RXRB: variants seen among roughly 807,000 people sequenced by gnomAD.
The protein encoded by RXRB is retinoic acid receptor RXR-beta.
Under a neutral mutation model 52.5 loss-of-function variants are expected in RXRB, and 18 were observed. The ratio of observed to expected loss-of-function variants is 0.34; its 90% confidence interval spans 0.24 to 0.51. The LOEUF (loss-of-function observed/expected upper bound fraction) is 0.51. Among genes scored for constraint, RXRB ranks in the 20% least tolerant of loss-of-function variants. The probability of loss-of-function intolerance (pLI) is 0.97; values close to 1 mark genes in which losing one functional copy is unlikely to be tolerated. For synonymous variants in RXRB, 233 were observed against 267.1 expected, an observed-to-expected ratio of 0.87 and a Z score of 1.25; for missense variants, 455 against 698.2, an observed-to-expected ratio of 0.65 and a Z score of 3.92.
chr6:33,194,459 A>C lies in RXRB; in HGVS notation c.*223T>G. 1.9e-6 allele frequency: 1 copy of C among 519,588 alleles called. No homozygotes were observed. The highest frequency in any genetic ancestry group is 3.1e-5 in the East Asian group (1 of 32,412). 32.2% of individuals were successfully genotyped at this position (519,588 alleles called of 1,614,324 possible). On this transcript the variant is annotated 3_prime_UTR_variant, in exon 10 of 10. Coordinates refer to ENST00000374680, the MANE Select transcript of RXRB (RefSeq NM_021976.5). The surrounding 1 kb of genome is among the most constrained non-coding windows in gnomAD (Gnocchi z 4.1). ...GAGAACCCGACAAATTCAGAGACTC[A>C]AGGCCACCGAAGAGAGACAACCAGT...
At position 33,195,279 on chromosome 6, in the gene RXRB, T is replaced by C. The variant is rs146168329; in HGVS notation, c.1348+84A>G. 1.1e-6 allele frequency: 1 copy of C among 922,018 alleles called. No homozygotes were observed. The highest frequency in any genetic ancestry group is 2.4e-5 in the East Asian group (1 of 41,770). The allele number at this position is 922,018 out of a possible 1,614,324, so 57.1% of individuals were successfully genotyped here. A position where few individuals can be genotyped will look rare whatever the true frequency, so the allele number is the denominator to read the frequency against. ...AGGTTGAGGGTCTTACTGAGGGGGATAGCTGGGTAACTTAGGAGTCTCGGA... is the reference window on the plus strand; with the variant it reads ...AGGTTGAGGGTCTTACTGAGGGGGACAGCTGGGTAACTTAGGAGTCTCGGA... On this transcript the variant is annotated intron_variant, in intron 8 of 9. Transcript: ENST00000374680. This position sits in a 1 kb window ranked among gnomAD's most constrained non-coding sequence, Gnocchi z 8.6.
upstream of RXRB, chr6:33,200,818 G>C (rs1170994780): frequency 3.9e-6 from 6 of 1,519,242 alleles, no homozygotes; most frequent in South Asian, 2.4e-5. This position sits in a 1 kb window ranked among gnomAD's most constrained non-coding sequence, Gnocchi z 6.3. Context: ...CGCTACCGGA[G>C]TGCCGCCATA....
At chr6:33,200,736 G>A, upstream of RXRB, 3 of 1,544,284 alleles carry the variant, frequency 1.9e-6, no homozygotes, top group Non-Finnish European at 2.6e-6. This position sits in a 1 kb window ranked among gnomAD's most constrained non-coding sequence, Gnocchi z 6.3. Flanking sequence ...CGGCCTGTTA[G>A]CCCGCCTCGC....
intron 1 of RXRB, chr6:33,199,700 C>A (rs914290410): frequency 9.0e-6 from 4 of 442,032 alleles, no homozygotes; most frequent in African/African-American, 2.0e-5. Flanking sequence ...GCTAAAAAAA[C>A]CCAAAAACAG....
chr6:33,197,956 G>A lies in RXRB; in HGVS notation c.641-15C>T, dbSNP rs776928959. On this transcript the variant is annotated splice_polypyrimidine_tract_variant and intron_variant, in intron 3 of 9. Coordinates refer to ENST00000374680, the MANE Select transcript of RXRB (RefSeq NM_021976.5). The surrounding 1 kb of genome is among the most constrained non-coding windows in gnomAD (Gnocchi z 4.4). ...GTAGTGTTTGCCTACAGGGAAAGGG[G>A]AGGAGCAATAAGAAGGTTGCATGGA... 3 of 1,611,176 alleles carry A rather than the reference G, an allele frequency of 1.9e-6. No individual in the cohort carries two copies. Among genetic ancestry groups the A allele is most frequent in the Admixed American group, 1.7e-5 (1 of 59,732 alleles).
In RXRB at chr6:33,194,809, C is replaced by T; in HGVS notation, c.1475G>A (p.Arg492His). The change falls in exon 10 of 10, where the codon CGT becomes CAT. Residue 492 changes from arginine (R) to histidine (H), a missense_variant. By Grantham distance (29) the Arg-to-His change is conservative. This residue lies in a region of RXRB where 115 missense variants were observed against 253.1 expected (regional missense o/e 0.45). Coordinates refer to ENST00000374680, the MANE Select transcript of RXRB (RefSeq NM_021976.5). The surrounding 1 kb of genome is among the most constrained non-coding windows in gnomAD (Gnocchi z 4.1). ...GCCAATGGACCGGAGGGCAGGAAGA[C>T]GTAGCAGCAGCTTGGCAAACCTGGG... ...QQGRFAKLLL[R>H]LPALRSIGLK... The T allele has an allele frequency of 1.2e-6, 2 of 1,612,986 alleles. No homozygotes were observed. The highest frequency in any genetic ancestry group is 1.7e-6 in the Non-Finnish European group (2 of 1,180,010).
Position 33,198,293 on chromosome 6 carries a change from C to G in RXRB, c.640+15G>C. 1 of 1,612,960 alleles carries G rather than the reference C, an allele frequency of 6.2e-7. No individual in the cohort carries two copies. Among genetic ancestry groups the G allele is most frequent in the East Asian group, 2.2e-5 (1 of 44,886 alleles). On this transcript the variant is annotated intron_variant, in intron 3 of 9. Coordinates refer to ENST00000374680, the MANE Select transcript of RXRB (RefSeq NM_021976.5). ...CCCAGACTCTCCCTCTCTGTTCATC[C>G]TCTGAGCCACATACCTGAGCTTCTG...
At position 33,197,716 on chromosome 6, in the gene RXRB, G is replaced by A. The variant is rs1427631055; in HGVS notation, c.820+46C>T. On this transcript the variant is annotated intron_variant, in intron 4 of 9. Coordinates refer to ENST00000374680, the MANE Select transcript of RXRB (RefSeq NM_021976.5). This position sits in a 1 kb window ranked among gnomAD's most constrained non-coding sequence, Gnocchi z 4.4. ...GGTACACAGTCTGAGTGGGATAAGG[G>A]AGAAGGGCATGTGGTCTAAGACGCC... is the stretch of plus-strand genomic sequence containing the variant. 1.3e-6 allele frequency: 2 copies of A among 1,585,594 alleles called. No homozygotes were observed. Among genetic ancestry groups the A allele is most frequent in the Middle Eastern group, 1.7e-4 (1 of 5,946 alleles).
upstream of RXRB, chr6:33,200,844 G>A (rs1009122337): frequency 2.0e-6 from 3 of 1,499,954 alleles, no homozygotes; most frequent in Non-Finnish European, 2.7e-6. This position sits in a 1 kb window ranked among gnomAD's most constrained non-coding sequence, Gnocchi z 6.3. Context: ...AAAGGCATTA[G>A]GGCGAAGGTG....
upstream of RXRB, chr6:33,200,794 C>A: frequency 1.3e-6 from 2 of 1,529,422 alleles, no homozygotes; most frequent in Non-Finnish European, 8.8e-7. This position sits in a 1 kb window ranked among gnomAD's most constrained non-coding sequence, Gnocchi z 6.3. Context: ...CGTGTCAGTG[C>A]AGGATGGATT....
chr6:33,198,087 C>A, intron 3 of RXRB, 146 bp from the exon 4 acceptor site: 1 of 1,034,200 alleles, frequency 9.7e-7, no homozygotes, highest in Non-Finnish European at 1.4e-6. Context: ...AGTGATGATC[C>A]AGTCCCAGTC....
Position 33,194,290 on chromosome 6 carries a change from C to A in RXRB, c.*392G>T. On this transcript the variant is annotated 3_prime_UTR_variant, in exon 10 of 10. Coordinates refer to ENST00000374680, the MANE Select transcript of RXRB (RefSeq NM_021976.5). This position sits in a 1 kb window ranked among gnomAD's most constrained non-coding sequence, Gnocchi z 4.1. Reference sequence around the variant, plus strand: ...GCTTGGGAGGCCTGCCCCCCAGTATCCACCTCTGGGGGAGTTCCCCATTTC... The same window carrying A: ...GCTTGGGAGGCCTGCCCCCCAGTATACACCTCTGGGGGAGTTCCCCATTTC... 1 of 173,694 alleles carries A rather than the reference C, an allele frequency of 5.8e-6. No individual in the cohort carries two copies. The highest frequency in any genetic ancestry group is 1.2e-5 in the Non-Finnish European group (1 of 82,346). The allele number at this position is 173,694 out of a possible 1,614,324, so 10.8% of individuals were successfully genotyped here. A position where few individuals can be genotyped will look rare whatever the true frequency, so the allele number is the denominator to read the frequency against.
rs774273799 is a variant in RXRB, at chr6:33,200,210, T to C, written c.235+32A>G. On this transcript the variant is annotated intron_variant, in intron 1 of 9. Transcript: ENST00000374680. The surrounding 1 kb of genome is among the most constrained non-coding windows in gnomAD (Gnocchi z 6.3). Reference sequence around the variant, plus strand: ...GAGGGGTCGCAGATAAAGCGGTCACTGGCTCGCCTGCCCTTCTGCTGGGGC... The same window carrying C: ...GAGGGGTCGCAGATAAAGCGGTCACCGGCTCGCCTGCCCTTCTGCTGGGGC... 1.6e-5 allele frequency: 25 copies of C among 1,600,176 alleles called. No individual in the cohort carries two copies. Among genetic ancestry groups the C allele is most frequent in the Non-Finnish European group, 2.1e-5 (25 of 1,174,236 alleles).
Position 33,197,743 on chromosome 6 carries a change from G to C in RXRB, c.820+19C>G. 3.1e-6 allele frequency: 5 copies of C among 1,612,818 alleles called. No individual in the cohort carries two copies. Among genetic ancestry groups the C allele is most frequent in the Non-Finnish European group, 4.2e-6 (5 of 1,179,420 alleles). The stretch of plus-strand genomic sequence containing the variant: ...GAAGGGCATGTGGTCTAAGACGCCT[G>C]GGCAGGGCGGGTCCTTACCCTCCCT... On this transcript the variant is annotated intron_variant, in intron 4 of 9. Coordinates refer to ENST00000374680, the MANE Select transcript of RXRB (RefSeq NM_021976.5). The surrounding 1 kb of genome is among the most constrained non-coding windows in gnomAD (Gnocchi z 4.4).
At position 33,196,191 on chromosome 6, in the gene RXRB, GCAAA is replaced by G; in HGVS notation, c.994-159_994-156del. 9.7e-7 allele frequency: 1 copy of G among 1,026,170 alleles called. No homozygotes were observed. The highest frequency in any genetic ancestry group is 1.5e-6 in the Non-Finnish European group (1 of 683,576). The allele number at this position is 1,026,170 out of a possible 1,614,324, so 63.6% of individuals were successfully genotyped here. A position where few individuals can be genotyped will look rare whatever the true frequency, so the allele number is the denominator to read the frequency against. ...GTGAGTCTTCTCTTCTGGCATTAGT[GCAAA>G]CAATTATTTATTTGGGACATGCCTA... On this transcript the variant is annotated intron_variant, in intron 5 of 9. Coordinates refer to ENST00000374680, the MANE Select transcript of RXRB (RefSeq NM_021976.5). The surrounding 1 kb of genome is among the most constrained non-coding windows in gnomAD (Gnocchi z 4.0).
chr6:33,195,666 C>T lies in RXRB; in HGVS notation c.1160G>A (p.Arg387Gln), dbSNP rs968931764. 6.2e-7 allele frequency: 1 copy of T among 1,612,826 alleles called. No homozygotes were observed. The highest frequency in any genetic ancestry group is 8.5e-7 in the Non-Finnish European group (1 of 1,179,976). ...GATGCCATCTCGAACATCAATGGATCGGTGTGAGAAGGAGGCAATGAGGAG... is the reference window on the plus strand; with the variant it reads ...GATGCCATCTCGAACATCAATGGATTGGTGTGAGAAGGAGGCAATGAGGAG... ...NELLIASFSH[R>Q]SIDVRDGILL... Residue 387 changes from arginine (R) to glutamine (Q), a missense_variant, in exon 7 of 10, where the codon CGA (arginine) becomes CAA (glutamine). Coordinates refer to ENST00000374680, the MANE Select transcript of RXRB (RefSeq NM_021976.5). This position sits in a 1 kb window ranked among gnomAD's most constrained non-coding sequence, Gnocchi z 8.6.
intron 3 of RXRB, 109 bp downstream of exon 3, chr6:33,198,199 C>G: frequency 6.7e-7 from 1 of 1,489,732 alleles, no homozygotes; most frequent in Non-Finnish European, 9.3e-7. Context: ...TCCCATCAGG[C>G]CTCCCCCAGG....
Position 33,194,528 on chromosome 6 carries a change from A to G in RXRB, c.*154T>C. On this transcript the variant is annotated 3_prime_UTR_variant, in exon 10 of 10. Transcript: ENST00000374680. The surrounding 1 kb of genome is among the most constrained non-coding windows in gnomAD (Gnocchi z 4.1). ...TCCCTTCCAACTTGGGATATCAAGC[A>G]GATCCCTTGGAGGGTTTATGTTCTT... 1.4e-6 allele frequency: 1 copy of G among 729,002 alleles called. No individual in the cohort carries two copies. Among genetic ancestry groups the G allele is most frequent in the Non-Finnish European group, 2.1e-6 (1 of 468,556 alleles). The allele number at this position is 729,002 out of a possible 1,614,324, so 45.2% of individuals were successfully genotyped here. A position where few individuals can be genotyped will look rare whatever the true frequency, so the allele number is the denominator to read the frequency against.
Position 33,197,635 on chromosome 6 carries a change from G to T in RXRB, c.820+127C>A. On this transcript the variant is annotated intron_variant, in intron 4 of 9. Coordinates refer to ENST00000374680, the MANE Select transcript of RXRB (RefSeq NM_021976.5). The surrounding 1 kb of genome is among the most constrained non-coding windows in gnomAD (Gnocchi z 4.4). ...AACAGGGAGGAGAGCTGCGAAGGGA[G>T]AGAGAAATCAAATATCGCCCTCTAG... 2.4e-6 allele frequency: 2 copies of T among 848,586 alleles called. No homozygotes were observed. Among genetic ancestry groups the T allele is most frequent in the South Asian group, 1.7e-5 (1 of 57,512 alleles). The allele number at this position is 848,586 out of a possible 1,614,324, so 52.6% of individuals were successfully genotyped here.
Sources: allele counts gnomAD v4.1 joint callset, GRCh38; gene constraint gnomAD v4.1.1; regional missense constraint gnomAD v4.1.1; non-coding constraint Gnocchi (gnomAD v3.1); transcripts MANE v1.5; gene names NCBI Gene and HGNC (gene_info 2026-07-23, HGNC 2026-07-21).